Variants in BDP1 observed in about 807,000 individuals in gnomAD.
BDP1 encodes the protein transcription factor TFIIIB component B'' homolog.
Under a neutral mutation model 266.6 loss-of-function variants are expected in BDP1, and 169 were observed. The ratio of observed to expected loss-of-function variants is 0.63; its 90% CI spans 0.56 to 0.72. BDP1 has a LOEUF of 0.72. BDP1 is among the 30% of genes least tolerant of loss of function. The pLI is 0.00. For missense variants in BDP1, 3,015 were observed against 3,053.8 expected (o/e 0.99, Z 0.30); for synonymous variants, 1,090 against 1,022.4 (o/e 1.07, Z -1.26).
At chr5:71,562,226 A>AATTTTTAT in intron 37 of BDP1, 48 bp from the exon 38 acceptor site, 2 of 981,792 alleles carry the variant, frequency 2.0e-6, no homozygotes, top group Non-Finnish European at 3.0e-6. Context: ...AAAAAAAAGA[A>AATTTTTAT]TGTGTCTTCC....
chr5:71,551,847 C>A (rs1284877206), intron 34 of BDP1, among the ~76,000 whole-genome samples: 1 of 149,598 alleles, frequency 6.7e-6, no homozygotes, highest in Admixed American at 6.6e-5. Flanking sequence ...CCAGTAGGGG[C>A]AGCCAGACAG....
At chr5:71,462,392 A>T (rs555246188) in intron 3 of BDP1, among the ~76,000 whole-genome samples, 1 of 152,242 alleles carries the variant, frequency 6.6e-6, no homozygotes, top group Non-Finnish European at 1.5e-5. Context: ...TCATAACAAA[A>T]AGTAGCAGTA....
rs1370425263 is a variant in BDP1 at position 71,539,577 on chromosome 5, G to A, written c.5950G>A (p.Glu1984Lys). ...ACAAGGTACCAATGATGGAAGCACC[G>A]AAGCTGCAATAACTTTACTTACAAT... is the stretch of plus-strand genomic sequence containing the variant. ...DEPGTNDGST[E>K]AAITLLTMGD... The change falls in exon 28 of 39, where the codon GAA becomes AAA. Residue 1984 changes from glutamate (E) to lysine (K), a missense_variant. Glu to Lys is a moderately conservative substitution (Grantham distance 56, BLOSUM62 1). Coordinates refer to ENST00000358731, the MANE Select transcript of BDP1 (RefSeq NM_018429.3). The A allele has an allele frequency of 2.5e-6, 4 of 1,610,872 alleles. No individual in the cohort carries two copies. Among genetic ancestry groups the A allele is most frequent in the Non-Finnish European group, 2.5e-6 (3 of 1,178,634 alleles).
intron 7 of BDP1, among the ~76,000 whole-genome samples, chr5:71,483,092 T>TTC (rs1024853457): frequency 2.6e-5 from 4 of 152,180 alleles, no homozygotes; most frequent in African/African-American, 9.6e-5. Flanking sequence ...TTATGTGATA[T>TTC]TCTCTCTCTC....
At chr5:71,543,523 C>T (rs1239413630) in intron 30 of BDP1, among the ~76,000 whole-genome samples, 2 of 152,160 alleles carry the variant, frequency 1.3e-5, no homozygotes, top group African/African-American at 2.4e-5. Context: ...TCAAGGCTGT[C>T]GTAAATTGTG....
At chr5:71,577,193 G>A in the BDP1 span, among the ~76,000 whole-genome samples, 1 of 152,174 alleles carries the variant, frequency 6.6e-6, no homozygotes, top group Non-Finnish European at 1.5e-5. Flanking sequence ...TGAGCCATGG[G>A]CTGCCACAAT....
rs1479669871 is a variant in BDP1, at chr5:71,510,562, A to C, written c.3470A>C (p.Glu1157Ala). Residue 1157 changes from glutamate (E) to alanine (A), a missense_variant, in exon 17 of 39, where the codon GAA becomes GCA. Physicochemically the swap from Glu to Ala is moderately radical, Grantham distance 107. Around this residue, in one of 3 missense-constraint regions of BDP1, gnomAD observed 2,383 missense variants for 2,404.9 expected, o/e 0.99. Transcript: ENST00000358731. The part of the protein sequence containing the change: ...ETGRREISPE[E>A]NGPEEVKPVD... Reference sequence around the variant, plus strand: ...GGAAGAAGAGAAATATCCCCAGAGGAAAATGGCCCAGAGGAGGTCAAGCCT... The same window carrying C: ...GGAAGAAGAGAAATATCCCCAGAGGCAAATGGCCCAGAGGAGGTCAAGCCT... 6.2e-7 allele frequency: 1 copy of C among 1,613,804 alleles called. No individual in the cohort carries two copies. The highest frequency in any genetic ancestry group is 1.7e-5 in the Admixed American group (1 of 59,990).
intron 13 of BDP1, among the ~76,000 whole-genome samples, chr5:71,500,822 AGGTGT>A (rs1764188784): frequency 6.6e-6 from 1 of 151,912 alleles, no homozygotes; most frequent in Admixed American, 6.6e-5. Context: ...AATGTACATC[AGGTGT>A]GGTGGCTCAC....
chr5:71,468,425 G>GGCGTGA (rs1762033410), intron 6 of BDP1, among the ~76,000 whole-genome samples: 2 of 151,768 alleles, frequency 1.3e-5, no homozygotes, highest in African/African-American at 4.8e-5. Context: ...TGAGATTATA[G>GGCGTGA]GCGTGAGTCG....
At chr5:71,485,253 C>T (rs906592199) in intron 8 of BDP1, among the ~76,000 whole-genome samples, 1 of 152,134 alleles carries the variant, frequency 6.6e-6, no homozygotes, top group Non-Finnish European at 1.5e-5. Flanking sequence ...AATTCGAGGC[C>T]AGCCTGGGCA....
At chr5:71,468,706 A>G (rs986698657) in intron 6 of BDP1, among the ~76,000 whole-genome samples, 2 of 149,200 alleles carry the variant, frequency 1.3e-5, no homozygotes, top group Non-Finnish European at 3.0e-5. Context: ...TCCTGGGTTC[A>G]AGCGATTCTC....
At chr5:71,466,308 G>C in intron 5 of BDP1, 87 bp downstream of exon 5, 1 of 1,449,874 alleles carries the variant, frequency 6.9e-7, no homozygotes, top group Non-Finnish European at 9.5e-7. Flanking sequence ...TTCTGTATTG[G>C]CCTTTGTCAC....
Position 71,515,116 on chromosome 5 carries a change from C to G in BDP1, c.4643C>G (p.Ser1548Cys). 1 of 1,590,260 alleles carries G rather than the reference C, an allele frequency of 6.3e-7. No individual in the cohort carries two copies. The highest frequency in any genetic ancestry group is 8.5e-7 in the Non-Finnish European group (1 of 1,172,374). Residue 1548 changes from serine to cysteine, a missense_variant, in exon 20 of 39, where the codon TCT becomes TGT. Ser to Cys is a moderately radical substitution (Grantham distance 112). Transcript: ENST00000358731. ...APVQKNDSVVSVGTNNVNTFQ... is the reference protein window; with the variant it reads ...APVQKNDSVVCVGTNNVNTFQ... The stretch of plus-strand genomic sequence containing the variant: ...GTCCAGAAAAATGACTCAGTTGTTT[C>G]TGTGGGGTAAACAGTGATTTTCTTT...
rs779048140 is a variant in BDP1 at position 71,501,567 on chromosome 5, C to T, written c.1962C>T (p.His654=). 16 of 1,567,540 alleles carry T rather than the reference C, an allele frequency of 1.0e-5. No homozygotes were observed. Among genetic ancestry groups the T allele is most frequent in the Admixed American group, 1.7e-5 (1 of 57,622 alleles). Residue 654 remains histidine (H), a synonymous_variant, in exon 14 of 39, where the codon CAC becomes CAT. Transcript: ENST00000358731. The stretch of plus-strand genomic sequence containing the variant: ...GTAGCAAATTAAATTCACAGAACCA[C>T]GTGGAAAAAGATAAAATGAATACAT... ...SHSKTSVEKN[H]VEKDKMNTLD... is the part of the protein sequence containing the mutation.
intron 22 of BDP1, among the ~76,000 whole-genome samples, chr5:71,519,928 C>T (rs1357069711): frequency 2.6e-5 from 4 of 152,112 alleles, no homozygotes; most frequent in Non-Finnish European, 5.9e-5. Context: ...TATATTCCCA[C>T]GAACAGCCTA....
chr5:71,556,484 T>C (rs1047337759), intron 35 of BDP1, among the ~76,000 whole-genome samples: 1 of 152,148 alleles, frequency 6.6e-6, no homozygotes, highest in Admixed American at 6.5e-5. Flanking sequence ...AGAATGAATA[T>C]CATTGGGTAC....
At chr5:71,471,933 A>T (rs1762276384) in intron 7 of BDP1, among the ~76,000 whole-genome samples, 1 of 152,216 alleles carries the variant, frequency 6.6e-6, no homozygotes, top group African/African-American at 2.4e-5. Flanking sequence ...TATTTCTGCA[A>T]GAGATGAGGA....
At chr5:71,557,037 T>G in intron 36 of BDP1, 112 bp downstream of exon 36, 2 of 528,216 alleles carry the variant, frequency 3.8e-6, no homozygotes, top group Non-Finnish European at 6.3e-6. Flanking sequence ...TCTCCAAGAG[T>G]AATACTTGTA....
Position 71,549,462 on chromosome 5 carries a change from A to C in BDP1, c.6851A>C (p.Gln2284Pro). The C allele has an allele frequency of 6.2e-7, 1 of 1,614,096 alleles. No individual in the cohort carries two copies. The highest frequency in any genetic ancestry group is 1.1e-5 in the South Asian group (1 of 91,038). Residue 2284 changes from glutamine (Q) to proline (P), a missense_variant, in exon 34 of 39, where the codon CAA becomes CCA. Physicochemically the swap from Gln to Pro is moderately conservative, Grantham distance 76. Coordinates refer to ENST00000358731, the MANE Select transcript of BDP1 (RefSeq NM_018429.3). ...GTACCTCAAGATGGAGAAGATGAAC[A>C]AGCCTTTATTTTAACTCTGGTGGAA... The part of the protein sequence containing the change: ...ANVPQDGEDE[Q>P]AFILTLVEIP...
Sources: allele counts gnomAD v4.1 joint callset (sites outside exome capture counted in the v4.1 genomes callset), GRCh38; gene constraint gnomAD v4.1.1; regional missense constraint gnomAD v4.1.1; transcripts MANE v1.5; gene names NCBI Gene and HGNC (gene_info 2026-07-23, HGNC 2026-07-21).